The following NREP variants were observed in gnomAD, a reference collection of about 807,000 sequenced individuals.
NREP encodes neuronal regeneration related protein.
NREP carries 5 observed loss-of-function variants against 8.6 expected under a neutral mutation model. The observed-to-expected ratio is 0.58, with a 90% CI of 0.30 to 1.22. NREP has a LOEUF of 1.22. NREP is among the 50% of genes most tolerant of loss of function. The pLI, the probability that NREP is intolerant of heterozygous loss-of-function variation, is 0.07. For synonymous variants in NREP, 27 were observed against 28.0 expected, an observed-to-expected ratio of 0.96 and a Z score of 0.11; for missense variants, 86 against 82.5, an observed-to-expected ratio of 1.04 and a Z score of -0.17.
chr5:111,796,178 C>T lies in NREP; in HGVS notation c.136-60671G>A, dbSNP rs1026080132. Among the ~76,000 whole-genome samples the T allele has an allele frequency of 4.6e-5, 7 of 152,242 alleles. No homozygotes were observed. In the South Asian group the frequency reaches 1.0e-3, roughly 23 times the overall value. Reference sequence around the variant, plus strand: ...TACTTGGCTGGTGACTCCTTCCTCCCGAGCAGTACAGTAGCTTCAAATTTC... The same window carrying T: ...TACTTGGCTGGTGACTCCTTCCTCCTGAGCAGTACAGTAGCTTCAAATTTC... On this transcript the variant is annotated intron_variant, in intron 2 of 3. Coordinates refer to the NREP transcript ENST00000395634.
chr5:111,844,944 T>G (rs572486111), intron 2 of NREP, among the ~76,000 whole-genome samples: 1 of 151,902 alleles, frequency 6.6e-6, no homozygotes, highest in East Asian at 1.9e-4. Context: ...ATATAACTAA[T>G]AAATATTATA....
intron 2 of NREP, among the ~76,000 whole-genome samples, chr5:111,876,632 C>A (rs1753916530): frequency 6.6e-6 from 1 of 152,178 alleles, no homozygotes; most frequent in Non-Finnish European, 1.5e-5. Context: ...TGAGGAAAGA[C>A]CATCATCATT....
At chr5:111,838,335 T>C (rs1471383401) in intron 2 of NREP, among the ~76,000 whole-genome samples, 2 of 152,162 alleles carry the variant, frequency 1.3e-5, no homozygotes, top group East Asian at 3.8e-4. Flanking sequence ...CACAGGGCTA[T>C]AGGGCTACAG....
intron 2 of NREP, among the ~76,000 whole-genome samples, chr5:111,968,938 G>A (rs1439038557): frequency 2.0e-5 from 3 of 152,220 alleles, no homozygotes; most frequent in Admixed American, 1.3e-4. Flanking sequence ...CCAGGTGGAT[G>A]TAAAATAGGT....
chr5:111,883,446 T>C (rs906049091), intron 2 of NREP, among the ~76,000 whole-genome samples: 1 of 152,048 alleles, frequency 6.6e-6, no homozygotes, highest in East Asian at 1.9e-4. Context: ...TACCCAGGAA[T>C]TGAACTCAGC....
chr5:111,799,535 T>A (rs952273028), intron 2 of NREP, among the ~76,000 whole-genome samples: 1 of 152,238 alleles, frequency 6.6e-6, no homozygotes, highest in African/African-American at 2.4e-5. Flanking sequence ...TTCTCTTTTG[T>A]TTTCTCCCTT....
At chr5:111,820,614 G>C (rs1471682872) in intron 2 of NREP, among the ~76,000 whole-genome samples, 2 of 151,790 alleles carry the variant, frequency 1.3e-5, no homozygotes, top group African/African-American at 4.8e-5. Flanking sequence ...GACATATATG[G>C]CTGATCATAA....
At chr5:111,956,416 C>G (rs937615463) in intron 2 of NREP, among the ~76,000 whole-genome samples, 1 of 151,112 alleles carries the variant, frequency 6.6e-6, no homozygotes. Context: ...TTAAAAAGCT[C>G]AAAGAATTAA....
In NREP at chr5:111,755,766, T is replaced by A. The variant is rs760722826; in HGVS notation, c.3+4A>T. The A allele has an allele frequency of 1.9e-6, 3 of 1,613,864 alleles. No individual in the cohort carries two copies. In the South Asian group the frequency reaches 3.3e-5, roughly 18 times the overall value. On this transcript the variant is annotated splice_donor_region_variant and intron_variant, in intron 2 of 3. Coordinates refer to ENST00000257435, the MANE Select transcript of NREP (RefSeq NM_004772.4). ...GAGAATCTCCTCTGATGACCAAGTC[T>A]TACCATTTTGAGAATCTTAGTCTTG...
rs1021742683 is a variant in NREP, at chr5:111,913,437, T to C, written c.135+61837A>G. On this transcript the variant is annotated intron_variant, in intron 2 of 3. Transcript: ENST00000395634. ...CCTAGCAGAAGAAAAAGAATGACCTTGAATAAATGGAACCCAGCATCACTA... is the reference window on the plus strand; with the variant it reads ...CCTAGCAGAAGAAAAAGAATGACCTCGAATAAATGGAACCCAGCATCACTA... 8.5e-5 allele frequency among the ~76,000 whole-genome samples: 13 copies of C among 152,162 alleles called. 1 individual carries two copies. The highest frequency in any genetic ancestry group is 3.1e-4 in the African/African-American group (13 of 41,550).
At chr5:111,956,949 A>T (rs1392734103) in intron 2 of NREP, among the ~76,000 whole-genome samples, 1 of 144,714 alleles carries the variant, frequency 6.9e-6, no homozygotes, top group Non-Finnish European at 1.5e-5. Flanking sequence ...GGATGACACA[A>T]TGAGACCATG....
chr5:111,890,145 GA>G (rs1447717375), intron 2 of NREP, among the ~76,000 whole-genome samples: 1 of 152,162 alleles, frequency 6.6e-6, no homozygotes, highest in Non-Finnish European at 1.5e-5. Context: ...CCCAAAGGAA[GA>G]AATCAGCCAA....
chr5:111,841,386 C>T (rs551269481), intron 2 of NREP, among the ~76,000 whole-genome samples: 50 of 152,176 alleles, frequency 3.3e-4, no homozygotes, highest in Admixed American at 8.5e-4. Context: ...GGAATGTCCC[C>T]GGACAGAAAT....
intron 2 of NREP, among the ~76,000 whole-genome samples, chr5:111,816,781 A>G (rs762289148): frequency 1.4e-4 from 21 of 151,744 alleles, no homozygotes; most frequent in Admixed American, 2.6e-4. Context: ...ATATATCACA[A>G]TTATAATATG....
At chr5:111,938,808 C>T (rs1340956185) in intron 2 of NREP, among the ~76,000 whole-genome samples, 1 of 152,046 alleles carries the variant, frequency 6.6e-6, no homozygotes, top group Non-Finnish European at 1.5e-5. Flanking sequence ...CTGCAGTCAG[C>T]AGCTCAGAGA....
intron 2 of NREP, among the ~76,000 whole-genome samples, chr5:111,884,472 T>G (rs1376210548): frequency 1.3e-5 from 2 of 152,158 alleles, no homozygotes; most frequent in Non-Finnish European, 2.9e-5. Context: ...TAACTCATTT[T>G]ATGAGGCCAG....
At chr5:111,793,531 C>A (rs549722141) in intron 2 of NREP, among the ~76,000 whole-genome samples, 17 of 152,292 alleles carry the variant, frequency 1.1e-4, no homozygotes, top group Non-Finnish European at 1.9e-4. Context: ...ATCATGTACA[C>A]CCACATTGGT....
Position 111,861,062 on chromosome 5 carries a change from G to T in NREP, c.135+114212C>A, listed in dbSNP as rs369248482. ...GTATAAGGAATCCCTGGAAGAAATA[G>T]ATGGGAAAGAAATAGTAGAGGAAGC... On this transcript the variant is annotated intron_variant, in intron 2 of 3. Coordinates refer to the NREP transcript ENST00000395634. Among the ~76,000 whole-genome samples, 14 of 152,282 alleles carry T rather than the reference G, an allele frequency of 9.2e-5. No homozygotes were observed. The South Asian group carries it at 1.7e-3, about 18-fold the overall frequency.
chr5:111,767,700 C>T (rs956408018), intron 2 of NREP, among the ~76,000 whole-genome samples: 1 of 152,136 alleles, frequency 6.6e-6, no homozygotes, highest in African/African-American at 2.4e-5. Flanking sequence ...GAGTCTTTCT[C>T]TGTAACCCAG....
Sources: allele counts gnomAD v4.1 joint callset (sites outside exome capture counted in the v4.1 genomes callset), GRCh38; gene constraint gnomAD v4.1.1; transcripts MANE v1.5; gene names NCBI Gene and HGNC (gene_info 2026-07-23, HGNC 2026-07-21).